FAT3: variants seen among roughly 807,000 people sequenced by gnomAD.
FAT3 encodes the protein FAT atypical cadherin 3, also known as protocadherin Fat 3.
A neutral mutation model predicts 310.2 loss-of-function variants in FAT3; 95 were observed. The observed-to-expected ratio is 0.31, with a 90% CI of 0.26 to 0.36. The LOEUF is 0.36. Ranked by LOEUF, FAT3 falls within the 10% of genes least tolerant of loss-of-function variation. The pLI, the probability that FAT3 is intolerant of heterozygous loss-of-function variation, is 1.00. For missense variants in FAT3, 5,408 were observed against 5,715.6 expected (o/e 0.95, Z 1.74); for synonymous variants, 2,314 against 2,192.9 (o/e 1.06, Z -1.54).
At chr11:92,281,474 G>A (rs1946420081) in intron 1 of FAT3, among the ~76,000 whole-genome samples, 1 of 152,150 alleles carries the variant, frequency 6.6e-6, no homozygotes, top group African/African-American at 2.4e-5. Flanking sequence ...CTCCCTTGCT[G>A]ATCAGGATGC....
chr11:92,713,018 G>GAC (rs1436859305), intron 4 of FAT3, among the ~76,000 whole-genome samples: 1 of 152,166 alleles, frequency 6.6e-6, no homozygotes, highest in Non-Finnish European at 1.5e-5. Flanking sequence ...ATACATAAAA[G>GAC]ACACTGCACA....
chr11:92,376,764 C>T (rs1949359355), intron 2 of FAT3, among the ~76,000 whole-genome samples: 1 of 152,200 alleles, frequency 6.6e-6, no homozygotes, highest in African/African-American at 2.4e-5. Context: ...TATTTTCTGT[C>T]TTCTTAGTGC....
At chr11:92,879,680 G>T (rs987184664) in intron 22 of FAT3, among the ~76,000 whole-genome samples, 1 of 152,114 alleles carries the variant, frequency 6.6e-6, no homozygotes, top group Non-Finnish European at 1.5e-5. Flanking sequence ...TGAGATAGGG[G>T]CATCACAAGA....
chr11:92,630,179 A>T (rs1941503932), intron 3 of FAT3, among the ~76,000 whole-genome samples: 2 of 152,144 alleles, frequency 1.3e-5, no homozygotes, highest in South Asian at 4.1e-4. Context: ...ACTGTAGAAC[A>T]CTAGATGTGG....
chr11:92,541,123 C>T (rs189360615), intron 3 of FAT3, among the ~76,000 whole-genome samples: 62 of 152,236 alleles, frequency 4.1e-4, no homozygotes, highest in African/African-American at 1.3e-3. Flanking sequence ...GCTCAACATT[C>T]AGTGTTATTT....
chr11:92,567,442 T>C (rs1395505680), intron 3 of FAT3, among the ~76,000 whole-genome samples: 1 of 149,560 alleles, frequency 6.7e-6, no homozygotes, highest in Non-Finnish European at 1.5e-5. Flanking sequence ...TTGGTGGGAC[T>C]GTAAACTAGT....
chr11:92,540,552 G>C (rs1484868228), intron 3 of FAT3, among the ~76,000 whole-genome samples: 1 of 152,178 alleles, frequency 6.6e-6, no homozygotes, highest in Non-Finnish European at 1.5e-5. Context: ...TCCTGTTGGA[G>C]AAATCTTACA....
chr11:92,495,371 G>T (rs1952723037), intron 2 of FAT3, among the ~76,000 whole-genome samples: 1 of 152,094 alleles, frequency 6.6e-6, no homozygotes, highest in Non-Finnish European at 1.5e-5. Context: ...GCCTAGTTCA[G>T]TGGGATTGGA....
rs1252279144 is a variant in FAT3 at position 92,229,502 on chromosome 11, TTTTTGTTTTTTG to T, written c.-18+4333_-18+4344del. On this transcript the variant is annotated intron_variant, in intron 1 of 27. Coordinates refer to ENST00000525166, the MANE Select transcript of FAT3 (RefSeq NM_001367949.2). ...TTTTTGTTTTTTCGTGTTTTTTTTT[TTTTTGTTTTTTG>T]TTTTTTTTTACATTGCCTCCCTTTC... Among the ~76,000 whole-genome samples the T allele has an allele frequency of 8.1e-4, 60 of 73,962 alleles. 6 individuals are homozygous for T. The highest frequency in any genetic ancestry group is 2.0e-3 in the African/African-American group (48 of 24,252). The allele number at this position is 73,962 out of a possible 152,430, so 48.5% of individuals were successfully genotyped here.
intron 3 of FAT3, among the ~76,000 whole-genome samples, chr11:92,665,179 T>A (rs923838437): frequency 6.6e-6 from 1 of 152,186 alleles, no homozygotes; most frequent in Admixed American, 6.5e-5. Flanking sequence ...AAAATAAAGA[T>A]TCCTTCAGAA....
At chr11:92,565,460 A>G (rs1315977664) in intron 3 of FAT3, among the ~76,000 whole-genome samples, 1 of 142,494 alleles carries the variant, frequency 7.0e-6, no homozygotes, top group Non-Finnish European at 1.6e-5. Flanking sequence ...CCAGAGGTAC[A>G]AGGAGGAACT....
At chr11:92,466,271 A>G (rs1165260861) in intron 2 of FAT3, among the ~76,000 whole-genome samples, 1 of 152,160 alleles carries the variant, frequency 6.6e-6, no homozygotes, top group African/African-American at 2.4e-5. Flanking sequence ...GTTAAATTGT[A>G]AATTACTATC....
rs573241255 is a variant in FAT3 at position 92,778,782 on chromosome 11, G to T, written c.4335+4602G>T. Among the ~76,000 whole-genome samples the T allele has an allele frequency of 3.9e-5, 6 of 152,082 alleles. No individual in the cohort carries two copies. The East Asian group carries it at 9.7e-4, about 25-fold the overall frequency. ...CCCTGGGAAACATATGCACACACCT[G>T]GGGGGATCATTGTCCTCTGAAGGCT... On this transcript the variant is annotated intron_variant, in intron 7 of 27. Transcript: ENST00000525166.
intron 4 of FAT3, among the ~76,000 whole-genome samples, chr11:92,754,999 G>A (rs1323744841): frequency 3.9e-5 from 6 of 152,118 alleles, no homozygotes; most frequent in South Asian, 2.1e-4. Flanking sequence ...TATGTGGAAT[G>A]TAAAAAAGTC....
At chr11:92,449,953 G>A (rs1591306518) in intron 2 of FAT3, among the ~76,000 whole-genome samples, 1 of 152,110 alleles carries the variant, frequency 6.6e-6, no homozygotes, top group South Asian at 2.1e-4. Context: ...TCCTTTTCTT[G>A]AAGTTACCAT....
Position 92,800,332 on chromosome 11 carries a change from C to A in FAT3, c.7319C>A (p.Thr2440Lys), listed in dbSNP as rs557022725. ...AGCATTTTATCTGGGAATGACCGGA[C>A]GAGCTTTCTGATGGACAGCAAGAGT... ...EYSILSGNDRTSFLMDSKSGV... is the reference protein window; with the variant it reads ...EYSILSGNDRKSFLMDSKSGV... Residue 2440 changes from threonine to lysine, a missense_variant, in exon 10 of 28, where the codon ACG becomes AAG. By Grantham distance (78) the Thr-to-Lys change is moderately conservative. Transcript: ENST00000525166. The A allele has an allele frequency of 5.0e-6, 8 of 1,613,808 alleles. No homozygotes were observed. Among genetic ancestry groups the A allele is most frequent in the Non-Finnish European group, 4.2e-6 (5 of 1,179,866 alleles).
chr11:92,763,066 G>A (rs1395270601), intron 5 of FAT3, among the ~76,000 whole-genome samples: 1 of 151,998 alleles, frequency 6.6e-6, no homozygotes, highest in Non-Finnish European at 1.5e-5. Flanking sequence ...GGCTGAAGCA[G>A]GAGAAACGCT....
chr11:92,793,736 C>T (rs758518624), intron 9 of FAT3, among the ~76,000 whole-genome samples: 8 of 151,970 alleles, frequency 5.3e-5, no homozygotes, highest in Non-Finnish European at 8.8e-5. Context: ...ATATTCAAGC[C>T]ACCTATTTTC....
rs534326648 is a variant in FAT3, at chr11:92,504,190, A to G, written c.3293-20444A>G. ...TGTGCCATGGAAAACACAATGTGAG[A>G]GCCAGAAGACCACACAGATTCCATG... On this transcript the variant is annotated intron_variant, in intron 2 of 27. Transcript: ENST00000525166. Among the ~76,000 whole-genome samples, 42 of 152,318 alleles carry G rather than the reference A, an allele frequency of 2.8e-4. No individual in the cohort carries two copies. In the South Asian group the frequency reaches 8.1e-3, roughly 29 times the overall value.
Sources: gnomAD v4.1 joint callset for allele counts (sites outside exome capture counted in the v4.1 genomes callset) on GRCh38, gnomAD v4.1.1 for gene constraint, MANE v1.5 for transcripts, NCBI Gene and HGNC (gene_info 2026-07-23, HGNC 2026-07-21) for gene names.